The following ITGA8 variants were observed in gnomAD, a reference collection of about 807,000 sequenced individuals.
The protein encoded by ITGA8 is integrin alpha-8.
Under a neutral mutation model 142.3 loss-of-function variants are expected in ITGA8, and 91 were observed. The observed-to-expected ratio is 0.64, with a 90% CI of 0.54 to 0.76. The LOEUF is 0.76. ITGA8 is among the 30% of genes least tolerant of loss of function. ITGA8 has a pLI of 0.00. For missense variants in ITGA8, 1,406 were observed against 1,327.7 expected, an observed-to-expected ratio of 1.06 and a Z score of -0.92; for synonymous variants, 505 against 485.2, an observed-to-expected ratio of 1.04 and a Z score of -0.54.
chr10:15,678,186 A>G (rs1175584366), intron 5 of ITGA8, among the ~76,000 whole-genome samples: 1 of 76,664 alleles, frequency 1.3e-5, no homozygotes, highest in African/African-American at 3.4e-5. Flanking sequence ...AAAAACAAAA[A>G]AGTAATGATA....
chr10:15,694,678 C>CATATATATATATAG (rs1554788572), intron 2 of ITGA8, among the ~76,000 whole-genome samples: 5 of 77,528 alleles, frequency 6.4e-5, no homozygotes, highest in Admixed American at 3.7e-4. Flanking sequence ...TATTTGTCGA[C>CATATATATATATAG]ATATATATAT....
In ITGA8 at chr10:15,633,785, C is replaced by T. The variant is rs187071622; in HGVS notation, c.1399+10245G>A. On this transcript the variant is annotated intron_variant, in intron 13 of 29. Coordinates refer to ENST00000378076, the MANE Select transcript of ITGA8 (RefSeq NM_003638.3). ...AGAAATCTGTGGATCCCTTTTCCCCCCCTCACTCATATATCACTAAGTCAA... is the reference window on the plus strand; with the variant it reads ...AGAAATCTGTGGATCCCTTTTCCCCTCCTCACTCATATATCACTAAGTCAA... 8.3e-4 allele frequency among the ~76,000 whole-genome samples: 126 copies of T among 152,154 alleles called. 1 individual carries two copies. The East Asian group carries it at 0.021, about 26-fold the overall frequency.
chr10:15,593,584 T>A (rs923327039), intron 21 of ITGA8, among the ~76,000 whole-genome samples: 2 of 152,212 alleles, frequency 1.3e-5, no homozygotes, highest in African/African-American at 4.8e-5. Context: ...CCAAAACTCA[T>A]ATTCACATGA....
chr10:15,630,266 G>T (rs372240079), intron 13 of ITGA8, among the ~76,000 whole-genome samples: 2 of 152,078 alleles, frequency 1.3e-5, no homozygotes, highest in Admixed American at 6.5e-5. Context: ...GCAAGTTAAA[G>T]ATATGAGCAA....
Position 15,605,878 on chromosome 10 carries a change from C to A in ITGA8, c.1903-87G>T, listed in dbSNP as rs150744736. On this transcript the variant is annotated intron_variant, in intron 18 of 29. Coordinates refer to ENST00000378076, the MANE Select transcript of ITGA8 (RefSeq NM_003638.3). Reference sequence around the variant, plus strand: ...TGAAAATTCTGAATGGTGCCACAAACGGAACCAGAGCTTTCCTCTCACTAT... The same window carrying A: ...TGAAAATTCTGAATGGTGCCACAAAAGGAACCAGAGCTTTCCTCTCACTAT... 11 of 1,201,320 alleles carry A rather than the reference C, an allele frequency of 9.2e-6. No individual in the cohort carries two copies. In the African/African-American group the frequency reaches 1.6e-4, roughly 18 times the overall value. The allele number at this position is 1,201,320 out of a possible 1,614,324, so 74.4% of individuals were successfully genotyped here. A position where few individuals can be genotyped will look rare whatever the true frequency, so the allele number is the denominator to read the frequency against.
At chr10:15,557,035 C>G (rs1833899617) in intron 26 of ITGA8, among the ~76,000 whole-genome samples, 1 of 152,116 alleles carries the variant, frequency 6.6e-6, no homozygotes, top group Non-Finnish European at 1.5e-5. Context: ...CACATGAAAA[C>G]ATAAAGCACT....
chr10:15,660,856 T>C, intron 9 of ITGA8, 23 bp downstream of exon 9: 1 of 1,595,468 alleles, frequency 6.3e-7, no homozygotes, highest in South Asian at 1.1e-5. Flanking sequence ...ACCCTATTCC[T>C]GTAATGCATT....
rs956646846 is a variant in ITGA8 at position 15,655,379 on chromosome 10, C to A, written c.976G>T (p.Val326Phe). Residue 326 changes from valine to phenylalanine, a missense_variant, in exon 11 of 30, where the codon GTC becomes TTC. By Grantham distance (50) the Val-to-Phe change is conservative. Coordinates refer to ENST00000378076, the MANE Select transcript of ITGA8 (RefSeq NM_003638.3). Reference sequence around the variant, plus strand: ...CCATCACTGTTAACATCTGATACGACAACGGTATATCCAAAATAAGATGCC... The same window carrying A: ...CCATCACTGTTAACATCTGATACGAAAACGGTATATCCAAAATAAGATGCC... ...QMASYFGYTV[V>F]VSDVNSDGLD... 2 of 1,610,244 alleles carry A rather than the reference C, an allele frequency of 1.2e-6. No individual in the cohort carries two copies. The highest frequency in any genetic ancestry group is 2.7e-5 in the African/African-American group (2 of 74,826).
intron 28 of ITGA8, among the ~76,000 whole-genome samples, chr10:15,527,745 C>T (rs1354826721): frequency 6.6e-6 from 1 of 152,016 alleles, no homozygotes; most frequent in Non-Finnish European, 1.5e-5. Context: ...ACAAACTAAT[C>T]ATCACACAAA....
chr10:15,671,044 A>G (rs527582287), intron 8 of ITGA8, among the ~76,000 whole-genome samples: 11 of 152,266 alleles, frequency 7.2e-5, no homozygotes, highest in African/African-American at 2.6e-4. Context: ...TCATAATTTA[A>G]TTAGGTATTC....
chr10:15,664,355 A>T lies in ITGA8; in HGVS notation c.848-3433T>A, dbSNP rs1588707520. On this transcript the variant is annotated intron_variant, in intron 8 of 29. Transcript: ENST00000378076. ...CTTTATGAATTAGTTTGTACCTAAA[A>T]GAAAAATGTTCTTTCAAAGGAAAAA... 2.0e-5 allele frequency among the ~76,000 whole-genome samples: 3 copies of T among 152,354 alleles called. No individual in the cohort carries two copies. In the East Asian group the frequency reaches 5.8e-4, roughly 29 times the overall value.
intron 2 of ITGA8, among the ~76,000 whole-genome samples, chr10:15,700,739 C>T (rs145595365): frequency 1.1e-4 from 16 of 152,166 alleles, no homozygotes; most frequent in African/African-American, 2.9e-4. Context: ...CAAACAATCC[C>T]ATCAAAAAGT....
intron 23 of ITGA8, among the ~76,000 whole-genome samples, chr10:15,581,017 TG>T (rs1834397947): frequency 6.6e-6 from 1 of 152,252 alleles, no homozygotes. Context: ...CCTCAGCTTC[TG>T]GGGGGTAATG....
intron 13 of ITGA8, among the ~76,000 whole-genome samples, chr10:15,620,773 C>T (rs1833476709): frequency 1.3e-5 from 2 of 152,180 alleles, no homozygotes. Context: ...TACTACGCTG[C>T]TTCCATCTAT....
At chr10:15,643,950 C>T (rs142753746) in intron 13 of ITGA8, 80 bp downstream of exon 13, 3 of 1,307,764 alleles carry the variant, frequency 2.3e-6, no homozygotes, top group East Asian at 2.4e-5. Context: ...AGAAAACTGC[C>T]TTTGCATGAT....
intron 8 of ITGA8, among the ~76,000 whole-genome samples, chr10:15,669,804 A>G (rs12218593): frequency 0.099 from 15,038 of 152,188 alleles, 957 homozygotes; most frequent in East Asian, 0.29. Flanking sequence ...CCTGGGTATC[A>G]GCAGCAGAGG....
At chr10:15,716,133 ACAAACTTGTGTAGCCTTTCCTGCCTTGC>A (rs1426852262) in intron 2 of ITGA8, among the ~76,000 whole-genome samples, 1 of 152,158 alleles carries the variant, frequency 6.6e-6, no homozygotes, top group Non-Finnish European at 1.5e-5. Flanking sequence ...TTCATTTCTC[ACAAACTTGTGTAGCCTTTCCTGCCTTGC>A]TTTTTAAATT....
At chr10:15,549,668 C>G (rs956507332) in intron 26 of ITGA8, among the ~76,000 whole-genome samples, 1 of 152,168 alleles carries the variant, frequency 6.6e-6, no homozygotes, top group East Asian at 1.9e-4. Flanking sequence ...TTTCATATCT[C>G]AAGCCCTCAA....
intron 3 of ITGA8, among the ~76,000 whole-genome samples, chr10:15,686,465 C>T (rs551293722): frequency 1.9e-4 from 29 of 152,234 alleles, no homozygotes; most frequent in Non-Finnish European, 3.4e-4. Flanking sequence ...AAAGGCATTT[C>T]ATGCCATGAA....
Sources: gnomAD v4.1 joint callset for allele counts (sites outside exome capture counted in the v4.1 genomes callset) on GRCh38, gnomAD v4.1.1 for gene constraint, MANE v1.5 for transcripts, NCBI Gene and HGNC (gene_info 2026-07-23, HGNC 2026-07-21) for gene names.